The following LINGO2 variants were observed in gnomAD, a reference collection of about 807,000 sequenced individuals.
The protein encoded by LINGO2 is leucine-rich repeat and immunoglobulin-like domain-containing nogo receptor-interacting protein 2.
A neutral mutation model predicts 30.6 loss-of-function variants in LINGO2; 14 were observed. The observed-to-expected ratio is 0.46, with a 90% CI of 0.30 to 0.72. The LOEUF is 0.72. LINGO2 is among the 30% of genes least tolerant of loss of function. The pLI is 0.07. For synonymous variants in LINGO2, 317 were observed against 288.5 expected, an observed-to-expected ratio of 1.10 and a Z score of -1.00; for missense variants, 729 against 751.7, an observed-to-expected ratio of 0.97 and a Z score of 0.35.
At chr9:28,210,132 A>G (rs996889372) in intron 4 of LINGO2, among the ~76,000 whole-genome samples, 1 of 151,736 alleles carries the variant, frequency 6.6e-6, no homozygotes, top group African/African-American at 2.4e-5. Context: ...ATTAAATTCA[A>G]GGTCCAGATA....
chr9:28,791,611 G>A, the LINGO2 span, among the ~76,000 whole-genome samples: 1 of 151,728 alleles, frequency 6.6e-6, no homozygotes, highest in Non-Finnish European at 1.5e-5. Flanking sequence ...GATAAGAATT[G>A]GACCAGATAT....
intron 1 of LINGO2, among the ~76,000 whole-genome samples, chr9:28,525,027 G>T (rs1314829337): frequency 6.6e-6 from 1 of 151,474 alleles, no homozygotes; most frequent in Non-Finnish European, 1.5e-5. Context: ...ATCAGCAAAA[G>T]GATTTTTAAA....
chr9:28,551,442 G>A (rs1431476396), intron 1 of LINGO2, among the ~76,000 whole-genome samples: 1 of 151,766 alleles, frequency 6.6e-6, no homozygotes, highest in Non-Finnish European at 1.5e-5. Context: ...AACTATTATT[G>A]AAATAGTTTA....
At chr9:28,540,726 AC>A (rs1213279640) in intron 1 of LINGO2, among the ~76,000 whole-genome samples, 1 of 152,216 alleles carries the variant, frequency 6.6e-6, no homozygotes, top group African/African-American at 2.4e-5. Context: ...TCATCACTCC[AC>A]CAAGTAAGTG....
chr9:28,708,909 G>C, the LINGO2 span, among the ~76,000 whole-genome samples: 1 of 152,020 alleles, frequency 6.6e-6, no homozygotes, highest in Non-Finnish European at 1.5e-5. Flanking sequence ...GATTATTTAT[G>C]TTTTCTTGTT....
At position 28,148,452 on chromosome 9, in the gene LINGO2, C is replaced by A. The variant is rs1336659534; in HGVS notation, c.-86-136047G>T. 4.3e-6 allele frequency: 6 copies of A among 1,395,882 alleles called. No homozygotes were observed. The Admixed American group carries it at 7.9e-5, about 18-fold the overall frequency. 86.5% of individuals were successfully genotyped at this position (1,395,882 alleles called of 1,614,324 possible). On this transcript the variant is annotated intron_variant, in intron 4 of 5. Transcript: ENST00000379992. This position sits in a 1 kb window ranked among gnomAD's most constrained non-coding sequence, Gnocchi z 5.1. ...AAGATGGAGGTGAGGGCAGAAGAGC[C>A]CAGAGAAGCAACGGAGGTGACAGAC... is the stretch of plus-strand genomic sequence containing the variant.
the LINGO2 span, among the ~76,000 whole-genome samples, chr9:28,804,587 A>T: frequency 6.6e-6 from 1 of 152,048 alleles, no homozygotes; most frequent in African/African-American, 2.4e-5. Context: ...GATCTGGAAT[A>T]GGACAATATG....
intron 4 of LINGO2, among the ~76,000 whole-genome samples, chr9:28,165,588 A>T (rs1828403638): frequency 6.6e-6 from 1 of 152,202 alleles, no homozygotes; most frequent in Non-Finnish European, 1.5e-5. Flanking sequence ...AGAGCAAGAA[A>T]ATGCATTCTG....
At chr9:28,288,243 T>C (rs900287575) in intron 4 of LINGO2, among the ~76,000 whole-genome samples, 1 of 152,120 alleles carries the variant, frequency 6.6e-6, no homozygotes, top group Non-Finnish European at 1.5e-5. Context: ...TCTCTCCCAA[T>C]ATCACAATTT....
chr9:28,198,241 A>G (rs1435135711), intron 4 of LINGO2, among the ~76,000 whole-genome samples: 6 of 129,104 alleles, frequency 4.6e-5, no homozygotes, highest in African/African-American at 1.5e-4. Context: ...TTCTCTGTGG[A>G]CAAATATGAA....
chr9:28,417,203 T>C (rs1160638189), intron 2 of LINGO2, among the ~76,000 whole-genome samples: 6 of 152,180 alleles, frequency 3.9e-5, no homozygotes, highest in African/African-American at 1.4e-4. Flanking sequence ...GTTTCTGGTT[T>C]TCAGGGACAT....
the LINGO2 span, among the ~76,000 whole-genome samples, chr9:28,779,265 T>C: frequency 6.6e-6 from 1 of 152,152 alleles, no homozygotes; most frequent in African/African-American, 2.4e-5. Flanking sequence ...ATTTCCATGA[T>C]TGATAGGTTA....
chr9:28,892,180 T>C, the LINGO2 span, among the ~76,000 whole-genome samples: 2 of 151,970 alleles, frequency 1.3e-5, no homozygotes, highest in African/African-American at 2.4e-5. Context: ...GCGATGCACC[T>C]ATCCAGGTTT....
At chr9:28,602,959 G>A (rs1490534563) in intron 1 of LINGO2, among the ~76,000 whole-genome samples, 1 of 152,014 alleles carries the variant, frequency 6.6e-6, no homozygotes, top group African/African-American at 2.4e-5. Flanking sequence ...CTGGCACATA[G>A]AGTATAGAAA....
At chr9:28,809,147 C>A in the LINGO2 span, among the ~76,000 whole-genome samples, 1 of 152,080 alleles carries the variant, frequency 6.6e-6, no homozygotes, top group East Asian at 1.9e-4. Flanking sequence ...AGACGTTGGT[C>A]CATGGAATAT....
intron 4 of LINGO2, among the ~76,000 whole-genome samples, chr9:28,126,829 C>T (rs1412789118): frequency 2.0e-5 from 3 of 152,160 alleles, no homozygotes; most frequent in African/African-American, 7.2e-5. Flanking sequence ...GGATGCTCAG[C>T]AGTGAGCAGA....
intron 4 of LINGO2, among the ~76,000 whole-genome samples, chr9:28,137,540 T>G (rs1216415036): frequency 6.6e-6 from 1 of 152,120 alleles, no homozygotes; most frequent in Non-Finnish European, 1.5e-5. Context: ...TGGGTCATAG[T>G]TCTAAAAATT....
the LINGO2 span, among the ~76,000 whole-genome samples, chr9:28,983,851 C>T: frequency 6.6e-6 from 1 of 151,940 alleles, no homozygotes; most frequent in Non-Finnish European, 1.5e-5. Flanking sequence ...GTAGCATCAA[C>T]TCCTTAACAA....
At chr9:28,582,240 A>G (rs1824293118) in intron 1 of LINGO2, among the ~76,000 whole-genome samples, 1 of 152,112 alleles carries the variant, frequency 6.6e-6, no homozygotes, top group Admixed American at 6.6e-5. Flanking sequence ...GTAGTTTGAG[A>G]GAAAATCAAA....
Sources: allele counts gnomAD v4.1 joint callset (sites outside exome capture counted in the v4.1 genomes callset), GRCh38; gene constraint gnomAD v4.1.1; non-coding constraint Gnocchi (gnomAD v3.1); transcripts MANE v1.5; gene names NCBI Gene and HGNC (gene_info 2026-07-23, HGNC 2026-07-21).